ATP6V1H: variants seen among roughly 807,000 people sequenced by gnomAD.
ATP6V1H encodes ATPase H+ transporting V1 subunit H, also known as V-type proton ATPase subunit H.
In ATP6V1H, 39 loss-of-function variants were observed where a neutral mutation model predicts 71.7. The ratio of observed to expected loss-of-function variants is 0.54; its 90% CI spans 0.42 to 0.71. The LOEUF (loss-of-function observed/expected upper bound fraction) is 0.71, where lower values mean the gene tolerates loss of function less well. Ranked by LOEUF, ATP6V1H falls within the 30% of genes least tolerant of loss-of-function variation. The pLI, the probability that ATP6V1H is intolerant of heterozygous loss-of-function variation, is 0.00. For missense variants in ATP6V1H, 509 were observed against 594.9 expected (o/e 0.86, Z 1.50); for synonymous variants, 192 against 199.3 (o/e 0.96, Z 0.31).
At chr8:53,789,015 T>C (rs971804547) in intron 9 of ATP6V1H, among the ~76,000 whole-genome samples, 3 of 152,350 alleles carry the variant, frequency 2.0e-5, no homozygotes, top group South Asian at 4.1e-4. Flanking sequence ...ATCTTATGCA[T>C]CTTTCCATAT....
intron 8 of ATP6V1H, among the ~76,000 whole-genome samples, chr8:53,798,628 C>CACAT (rs1199854539): frequency 6.6e-6 from 1 of 151,880 alleles, no homozygotes; most frequent in African/African-American, 2.4e-5. Context: ...CACACACACA[C>CACAT]ACACACACAC....
intron 2 of ATP6V1H, among the ~76,000 whole-genome samples, chr8:53,834,175 T>C (rs1811089109): frequency 6.6e-6 from 1 of 152,052 alleles, no homozygotes; most frequent in Non-Finnish European, 1.5e-5. Context: ...TTTGAGTCAA[T>C]ATGGGGAAGA....
At chr8:53,722,673 A>T (rs968591592) in intron 13 of ATP6V1H, among the ~76,000 whole-genome samples, 1 of 152,106 alleles carries the variant, frequency 6.6e-6, no homozygotes, top group Non-Finnish European at 1.5e-5. Flanking sequence ...ATGATTGTTG[A>T]ATAAACGGTA....
intron 13 of ATP6V1H, among the ~76,000 whole-genome samples, chr8:53,719,081 G>C (rs904768000): frequency 2.0e-5 from 3 of 152,196 alleles, no homozygotes; most frequent in African/African-American, 7.2e-5. Context: ...ACTGAACTGT[G>C]GCTCCACTGA....
intron 13 of ATP6V1H, among the ~76,000 whole-genome samples, chr8:53,729,545 T>C (rs924401130): frequency 4.6e-5 from 7 of 152,194 alleles, no homozygotes; most frequent in Non-Finnish European, 1.0e-4. Flanking sequence ...CCCTGAGTTT[T>C]ACACCCTGGG....
At chr8:53,829,300 A>G in intron 4 of ATP6V1H, 144 bp downstream of exon 4, 1 of 576,596 alleles carries the variant, frequency 1.7e-6, no homozygotes, top group Non-Finnish European at 3.0e-6. Context: ...TTAGCAAATT[A>G]CAACCCACAT....
At position 53,841,643 on chromosome 8, in the gene ATP6V1H, G is replaced by A; in HGVS notation, c.48C>T (p.Thr16=). Residue 16 remains threonine (T), a synonymous_variant, in exon 2 of 14, where the codon ACC becomes ACT. Coordinates refer to ENST00000359530, the MANE Select transcript of ATP6V1H (RefSeq NM_015941.4). ...IRGAVDAAVP[T]NIIAAKAAEV... is the part of the protein sequence containing the mutation. ...CTGCAGCCTTGGCAGCAATAATATT[G>A]GTGGGGACAGCAGCATCCACAGCAC... 1 of 1,614,094 alleles carries A rather than the reference G, an allele frequency of 6.2e-7. No individual in the cohort carries two copies. Among genetic ancestry groups the A allele is most frequent in the Non-Finnish European group, 8.5e-7 (1 of 1,179,974 alleles).
intron 6 of ATP6V1H, among the ~76,000 whole-genome samples, chr8:53,812,005 CAG>C (rs1376324726): frequency 1.3e-5 from 2 of 151,980 alleles, no homozygotes; most frequent in African/African-American, 2.4e-5. Context: ...ACACTTGTGA[CAG>C]AGAAAAAAGA....
chr8:53,730,390 T>A (rs1321852992), intron 13 of ATP6V1H, among the ~76,000 whole-genome samples: 1 of 152,272 alleles, frequency 6.6e-6, no homozygotes, highest in Non-Finnish European at 1.5e-5. Context: ...TGTTTTGTTC[T>A]GATGGATCTT....
At chr8:53,748,880 C>T (rs1807698445) in intron 12 of ATP6V1H, among the ~76,000 whole-genome samples, 1 of 152,112 alleles carries the variant, frequency 6.6e-6, no homozygotes, top group South Asian at 2.1e-4. Flanking sequence ...AGGTTTGTGC[C>T]ACTATCAACA....
intron 4 of ATP6V1H, among the ~76,000 whole-genome samples, chr8:53,825,017 G>A (rs1001342942): frequency 6.6e-6 from 1 of 152,000 alleles, no homozygotes; most frequent in Admixed American, 6.6e-5. Flanking sequence ...GTTTTTAACA[G>A]TATAATTAAG....
chr8:53,839,557 T>C, intron 2 of ATP6V1H: 21 of 950,832 alleles, frequency 2.2e-5, no homozygotes, highest in Non-Finnish European at 2.6e-5. Context: ...ACCAATTCTA[T>C]CTATTCCAAT....
chr8:53,731,752 C>G (rs1287165909), intron 13 of ATP6V1H, among the ~76,000 whole-genome samples: 2 of 152,254 alleles, frequency 1.3e-5, no homozygotes, highest in East Asian at 3.8e-4. Context: ...TTTCTTGGTT[C>G]CCTGACCGGG....
At chr8:53,747,030 G>A (rs1432910014) in intron 12 of ATP6V1H, among the ~76,000 whole-genome samples, 1 of 152,164 alleles carries the variant, frequency 6.6e-6, no homozygotes, top group African/African-American at 2.4e-5. Context: ...AGCAGCTGAT[G>A]AAACCAAAAA....
chr8:53,758,696 G>C (rs1215580097), intron 11 of ATP6V1H, among the ~76,000 whole-genome samples: 2 of 152,158 alleles, frequency 1.3e-5, no homozygotes, highest in Non-Finnish European at 2.9e-5. Flanking sequence ...CTTATTTTCA[G>C]AATTTCGTTA....
intron 12 of ATP6V1H, among the ~76,000 whole-genome samples, chr8:53,755,840 C>T (rs1808032702): frequency 9.3e-6 from 1 of 107,806 alleles, no homozygotes; most frequent in Admixed American, 9.9e-5. Context: ...TCACTGCAAG[C>T]TCCGCCTCCC....
chr8:53,824,081 T>C (rs560339595), intron 4 of ATP6V1H, among the ~76,000 whole-genome samples: 46 of 151,448 alleles, frequency 3.0e-4, no homozygotes, highest in African/African-American at 1.1e-3. Flanking sequence ...ATTTGAAGCA[T>C]AAGATTTAAT....
intron 9 of ATP6V1H, among the ~76,000 whole-genome samples, chr8:53,793,824 A>C (rs889706431): frequency 6.6e-6 from 1 of 152,192 alleles, no homozygotes; most frequent in Non-Finnish European, 1.5e-5. Context: ...CTGTGATCCC[A>C]GCTACTCAGG....
At chr8:53,718,264 C>T (rs556113495) in intron 13 of ATP6V1H, among the ~76,000 whole-genome samples, 8 of 152,282 alleles carry the variant, frequency 5.3e-5, no homozygotes, top group Non-Finnish European at 7.4e-5. Flanking sequence ...AGCACAGGTG[C>T]GCTGTTCCAG....
Sources: gnomAD v4.1 joint callset for allele counts (sites outside exome capture counted in the v4.1 genomes callset) on GRCh38, gnomAD v4.1.1 for gene constraint, MANE v1.5 for transcripts, NCBI Gene and HGNC (gene_info 2026-07-23, HGNC 2026-07-21) for gene names.